RANBP2: variants seen among roughly 807,000 people sequenced by gnomAD.
RANBP2 encodes the protein RAN binding protein 2.
In RANBP2, 57 loss-of-function variants were observed where a neutral mutation model predicts 303.6. The ratio of observed to expected loss-of-function variants is 0.19; its 90% CI spans 0.15 to 0.23. The LOEUF (loss-of-function observed/expected upper bound fraction) is 0.23, where lower values mean the gene tolerates loss of function less well. Among genes scored for constraint, RANBP2 ranks in the 10% least tolerant of loss-of-function variants. RANBP2 has a pLI of 1.00. For synonymous variants in RANBP2, 1,167 were observed against 1,301.5 expected (o/e 0.90, Z 2.23); for missense variants, 3,138 against 3,780.8 (o/e 0.83, Z 4.46).
the RANBP2 span, chr2:108,895,054 C>T: frequency 6.6e-6 from 1 of 152,638 alleles, no homozygotes; most frequent in Non-Finnish European, 1.5e-5. Context: ...GGGGGCACCA[C>T]AGGATTTCAA....
the RANBP2 span, chr2:109,129,454 C>T: frequency 6.7e-7 from 1 of 1,494,434 alleles, no homozygotes; most frequent in Non-Finnish European, 8.9e-7. Context: ...CCCGGCTCCC[C>T]AGTCCTGATG....
At chr2:108,812,330 A>G in the RANBP2 span, among the ~76,000 whole-genome samples, 1 of 152,206 alleles carries the variant, frequency 6.6e-6, no homozygotes, top group Non-Finnish European at 1.5e-5. Flanking sequence ...TATATGTGTT[A>G]TAGTTCAGAT....
the RANBP2 span, among the ~76,000 whole-genome samples, chr2:109,427,141 G>A: frequency 7.4e-3 from 1,119 of 152,002 alleles, 14 homozygotes; most frequent in African/African-American, 0.026. Context: ...GCTAATTTTC[G>A]TCTTTTTAGT....
the RANBP2 span, among the ~76,000 whole-genome samples, chr2:109,205,261 CTTT>C: frequency 2.9e-5 from 4 of 135,930 alleles, no homozygotes; most frequent in African/African-American, 5.3e-5. Context: ...ACTTATGTGA[CTTT>C]TTTTTTTTTT....
chr2:109,731,080 G>A, the RANBP2 span, among the ~76,000 whole-genome samples: 3 of 152,024 alleles, frequency 2.0e-5, no homozygotes, highest in African/African-American at 4.8e-5. Flanking sequence ...GAGCCACCGC[G>A]CCCGGCCAAG....
chr2:108,889,918 T>C, the RANBP2 span, among the ~76,000 whole-genome samples: 1 of 152,174 alleles, frequency 6.6e-6, no homozygotes, highest in East Asian at 1.9e-4. Context: ...CTTCCTATTT[T>C]ATGTGATTGC....
At chr2:108,892,994 G>A in the RANBP2 span, among the ~76,000 whole-genome samples, 1 of 152,174 alleles carries the variant, frequency 6.6e-6, no homozygotes, top group Non-Finnish European at 1.5e-5. Context: ...CTACATTGCT[G>A]TACCTAGGTA....
the RANBP2 span, among the ~76,000 whole-genome samples, chr2:109,732,449 C>T: frequency 1.3e-5 from 2 of 151,782 alleles, no homozygotes; most frequent in Non-Finnish European, 2.9e-5. Context: ...AGGGACTTCC[C>T]TCTTTCAGTA....
chr2:108,906,081 A>T, the RANBP2 span, among the ~76,000 whole-genome samples: 1 of 149,404 alleles, frequency 6.7e-6, no homozygotes, highest in African/African-American at 2.6e-5. Flanking sequence ...CTCCCGCCCC[A>T]TGAGGGGAAG....
the RANBP2 span, chr2:108,839,057 G>GT: frequency 2.0e-6 from 2 of 1,003,840 alleles, no homozygotes; most frequent in East Asian, 2.7e-5. Flanking sequence ...TAAAGTGAAG[G>GT]TTTTTTGTTG....
the RANBP2 span, among the ~76,000 whole-genome samples, chr2:109,636,447 C>T: frequency 6.6e-6 from 1 of 152,016 alleles, no homozygotes; most frequent in African/African-American, 2.4e-5. Flanking sequence ...TCTTGACAAA[C>T]CCAGATGGAG....
chr2:109,297,791 A>G, the RANBP2 span, among the ~76,000 whole-genome samples: 1 of 148,780 alleles, frequency 6.7e-6, no homozygotes, highest in Non-Finnish European at 1.5e-5. Flanking sequence ...GCCCCCAACT[A>G]GGTCAGCTCT....
At chr2:109,294,021 T>C in the RANBP2 span, among the ~76,000 whole-genome samples, 2 of 152,170 alleles carry the variant, frequency 1.3e-5, no homozygotes, top group Non-Finnish European at 2.9e-5. Context: ...TTGTGTCACA[T>C]CCCTTCTTGG....
chr2:109,322,659 T>C, the RANBP2 span, among the ~76,000 whole-genome samples: 1 of 152,164 alleles, frequency 6.6e-6, no homozygotes, highest in Non-Finnish European at 1.5e-5. Flanking sequence ...AAATAACCTT[T>C]TAAAAAGGAC....
the RANBP2 span, among the ~76,000 whole-genome samples, chr2:109,727,449 C>T: frequency 2.0e-5 from 3 of 152,198 alleles, no homozygotes; most frequent in African/African-American, 7.2e-5. Context: ...GCTGGGACTC[C>T]AAGCCGAGTC....
At chr2:109,460,672 C>A in the RANBP2 span, among the ~76,000 whole-genome samples, 12 of 152,144 alleles carry the variant, frequency 7.9e-5, no homozygotes, top group Non-Finnish European at 1.8e-4. Flanking sequence ...ACATGTTTTC[C>A]CATTGAAAGA....
the RANBP2 span, among the ~76,000 whole-genome samples, chr2:109,542,606 G>A: frequency 6.6e-6 from 1 of 152,148 alleles, no homozygotes; most frequent in Non-Finnish European, 1.5e-5. Flanking sequence ...CGTGATGCTG[G>A]CCTGGCTCTG....
chr2:109,158,025 C>T, the RANBP2 span, among the ~76,000 whole-genome samples: 13 of 152,264 alleles, frequency 8.5e-5, no homozygotes, highest in Admixed American at 2.0e-4. Context: ...TTCTGGGCTG[C>T]GTGCTTCAAT....
At chr2:109,585,318 T>A in the RANBP2 span, 1 of 1,597,286 alleles carries the variant, frequency 6.3e-7, no homozygotes, top group Admixed American at 1.7e-5. Context: ...AATTCCAGTT[T>A]CCCCTGAAAC....
Sources: gnomAD v4.1 joint callset for allele counts (sites outside exome capture counted in the v4.1 genomes callset) on GRCh38, gnomAD v4.1.1 for gene constraint, MANE v1.5 for transcripts, NCBI Gene and HGNC (gene_info 2026-07-23, HGNC 2026-07-21) for gene names.